The following ANO1 variants were observed in gnomAD, a reference collection of about 807,000 sequenced individuals.
ANO1 encodes anoctamin 1.
ANO1 carries 59 observed loss-of-function variants against 124.0 expected under a neutral mutation model. That is an observed-to-expected ratio of 0.48 (90% CI 0.39 to 0.59). The LOEUF (loss-of-function observed/expected upper bound fraction) is 0.59, where lower values mean the gene tolerates loss of function less well. Among genes scored for constraint, ANO1 ranks in the 20% least tolerant of loss-of-function variants. ANO1 has a pLI of 0.00. For synonymous variants in ANO1, 529 were observed against 532.0 expected (o/e 0.99, Z 0.08); for missense variants, 1,059 against 1,328.0 (o/e 0.80, Z 3.15).
In ANO1 at chr11:70,093,841, G is replaced by T. The variant is rs188655686; in HGVS notation, c.441+5757G>T. 2.4e-3 allele frequency among the ~76,000 whole-genome samples: 360 copies of T among 152,380 alleles called. 1 individual carries two copies. Among genetic ancestry groups the T allele is most frequent in the African/African-American group, 8.2e-3 (343 of 41,594 alleles). On this transcript the variant is annotated intron_variant, in intron 2 of 25. Transcript: ENST00000355303. Reference sequence around the variant, plus strand: ...ACAAAGCCCACGGCTGGATGCATAGGTGGTGGAGACGCAACCTCGGGGCTC... The same window carrying T: ...ACAAAGCCCACGGCTGGATGCATAGTTGGTGGAGACGCAACCTCGGGGCTC...
At chr11:70,149,552 G>A (rs1421887187) in intron 11 of ANO1, 158 bp from the exon 12 acceptor site, 1 of 671,358 alleles carries the variant, frequency 1.5e-6, no homozygotes, top group African/African-American at 1.8e-5. Flanking sequence ...TCGGGAGGCT[G>A]AGGAAGGAGA....
chr11:70,047,093 A>G (rs1555005756), intron 1 of ANO1, among the ~76,000 whole-genome samples: 3 of 47,556 alleles, frequency 6.3e-5, no homozygotes, highest in Non-Finnish European at 1.0e-4. Flanking sequence ...AAAAAAAAAA[A>G]AAAAGAAAAA....
intron 1 of ANO1, among the ~76,000 whole-genome samples, chr11:70,042,619 T>G (rs1857202024): frequency 6.6e-6 from 1 of 151,986 alleles, no homozygotes; most frequent in Non-Finnish European, 1.5e-5. Flanking sequence ...CTAATCTACA[T>G]AAGCATGAGA....
At chr11:70,038,444 C>T (rs565683008) in intron 1 of ANO1, among the ~76,000 whole-genome samples, 42 of 152,332 alleles carry the variant, frequency 2.8e-4, no homozygotes, top group African/African-American at 6.0e-4. Flanking sequence ...CTCCTTTGTT[C>T]GGGTGTGCTC....
intron 1 of ANO1, among the ~76,000 whole-genome samples, chr11:69,994,725 C>A (rs186666267): frequency 5.9e-5 from 9 of 152,280 alleles, no homozygotes; most frequent in Non-Finnish European, 1.2e-4. Flanking sequence ...CTGCTTCCAT[C>A]AGCTTGCATG....
At chr11:70,078,742 G>C (rs772927396) in intron 1 of ANO1, 28 bp downstream of exon 1, 3 of 1,413,848 alleles carry the variant, frequency 2.1e-6, no homozygotes, top group Non-Finnish European at 1.9e-6. Context: ...CGACCCGGGC[G>C]GGAGGGCCGC....
intron 2 of ANO1, among the ~76,000 whole-genome samples, chr11:70,091,100 C>A (rs998785237): frequency 6.6e-6 from 1 of 152,172 alleles, no homozygotes; most frequent in Non-Finnish European, 1.5e-5. Flanking sequence ...GCACACGCAG[C>A]GTCTGAAGTG....
At position 70,165,634 on chromosome 11, in the gene ANO1, CTCCT is replaced by C. The variant is rs1184609045; in HGVS notation, c.2051+65_2051+68del. 5 of 1,383,270 alleles carry C rather than the reference CTCCT, an allele frequency of 3.6e-6. No individual in the cohort carries two copies. The Middle Eastern group carries it at 1.0e-3, about 285-fold the overall frequency. 85.7% of individuals were successfully genotyped at this position (1,383,270 alleles called of 1,614,324 possible). On this transcript the variant is annotated intron_variant, in intron 20 of 25. Coordinates refer to ENST00000355303, the MANE Select transcript of ANO1 (RefSeq NM_018043.7). ...GCCAGGCGGAGGGGTGTGTGGGTGG[CTCCT>C]GCGGGGGTCTGGGTGGACGCGGGGC...
In ANO1 at chr11:70,103,053, C is replaced by T; in HGVS notation, c.442-13C>T. 6.2e-7 allele frequency: 1 copy of T among 1,601,208 alleles called. No homozygotes were observed. The highest frequency in any genetic ancestry group is 8.5e-7 in the Non-Finnish European group (1 of 1,172,994). On this transcript the variant is annotated splice_polypyrimidine_tract_variant and intron_variant, in intron 2 of 25. Coordinates refer to ENST00000355303, the MANE Select transcript of ANO1 (RefSeq NM_018043.7). ...CGCCCCCCCTCAACCCAGAACTTTC[C>T]TTCTCTCTCCAGACTAAAATCCACG...
chr11:70,102,774 C>T (rs1448902222), intron 2 of ANO1, among the ~76,000 whole-genome samples: 9 of 152,210 alleles, frequency 5.9e-5, no homozygotes, highest in African/African-American at 2.2e-4. Context: ...GAAAACTTCC[C>T]TGGTGTTTTG....
At chr11:70,128,099 A>G (rs944257981) in intron 10 of ANO1, among the ~76,000 whole-genome samples, 6 of 152,198 alleles carry the variant, frequency 3.9e-5, no homozygotes, top group Admixed American at 6.5e-5. Context: ...CAAAAAGACC[A>G]TATCTGGTCA....
intron 22 of ANO1, among the ~76,000 whole-genome samples, chr11:70,171,987 G>A (rs2048489270): frequency 1.3e-5 from 2 of 151,950 alleles, no homozygotes; most frequent in African/African-American, 2.4e-5. Flanking sequence ...GGATGTGGTG[G>A]CACAGACCTG....
At chr11:70,158,104 AAACTATTAAAT>A in intron 16 of ANO1, among the ~76,000 whole-genome samples, 1 of 152,228 alleles carries the variant, frequency 6.6e-6, no homozygotes, top group East Asian at 1.9e-4. Context: ...TTAAAAAAGA[AAACTATTAAAT>A]AAATAACATG....
intron 1 of ANO1, among the ~76,000 whole-genome samples, chr11:70,041,169 C>G (rs1469931085): frequency 6.6e-6 from 1 of 152,126 alleles, no homozygotes; most frequent in African/African-American, 2.4e-5. Flanking sequence ...AAATCACAAG[C>G]AACATTGGCA....
chr11:70,040,248 C>T (rs928916977), intron 1 of ANO1, among the ~76,000 whole-genome samples: 15 of 151,992 alleles, frequency 9.9e-5, no homozygotes, highest in African/African-American at 3.4e-4. Context: ...AGAGTCTGCA[C>T]CCAGACCACA....
rs1417622146 is a variant in ANO1 at position 70,161,654 on chromosome 11, A to C, written c.1813A>C (p.Arg605=). 1.9e-6 allele frequency: 3 copies of C among 1,613,824 alleles called. No individual in the cohort carries two copies. The highest frequency in any genetic ancestry group is 2.5e-6 in the Non-Finnish European group (3 of 1,179,864). ...VPKTEKSFEE[R]LIFKAFLLKF... ...AAAGACGGAGAAAAGCTTTGAGGAG[A>C]GGCTGATCTTCAAGGCTTTCCTGCT... Residue 605 remains arginine, a synonymous_variant, in exon 18 of 26, where the codon AGG becomes CGG. Coordinates refer to ENST00000355303, the MANE Select transcript of ANO1 (RefSeq NM_018043.7).
chr11:70,012,604 A>T (rs1406326799), intron 1 of ANO1, among the ~76,000 whole-genome samples: 1 of 146,160 alleles, frequency 6.8e-6, no homozygotes, highest in Non-Finnish European at 1.5e-5. Flanking sequence ...TCATTCACAC[A>T]TTCATCCATC....
At chr11:70,177,819 G>A (rs112482569) in intron 22 of ANO1, among the ~76,000 whole-genome samples, 24 of 152,130 alleles carry the variant, frequency 1.6e-4, no homozygotes, top group African/African-American at 5.5e-4. Flanking sequence ...GGCTGATCTC[G>A]AACTCCCGAC....
intron 11 of ANO1, among the ~76,000 whole-genome samples, chr11:70,133,836 G>A (rs1590822935): frequency 2.0e-5 from 3 of 152,214 alleles, no homozygotes; most frequent in South Asian, 2.1e-4. Flanking sequence ...TGTATCAGGT[G>A]AGGTGAGGGA....
Sources: gnomAD v4.1 joint callset for allele counts (sites outside exome capture counted in the v4.1 genomes callset) on GRCh38, gnomAD v4.1.1 for gene constraint, MANE v1.5 for transcripts, NCBI Gene and HGNC (gene_info 2026-07-23, HGNC 2026-07-21) for gene names.